Variants in MLLT10 observed in about 807,000 individuals in gnomAD.
MLLT10 encodes protein AF-10.
MLLT10 carries 30 observed loss-of-function variants against 129.1 expected under a neutral mutation model. The observed-to-expected ratio is 0.23, with a 90% confidence interval of 0.17 to 0.32. The LOEUF (loss-of-function observed/expected upper bound fraction) is 0.32. MLLT10 is among the 10% of genes least tolerant of loss of function. The pLI is 1.00. For missense variants in MLLT10, 1,119 were observed against 1,268.3 expected (o/e 0.88, Z 1.79); for synonymous variants, 490 against 446.4 (o/e 1.10, Z -1.23).
intron 2 of MLLT10, among the ~76,000 whole-genome samples, chr10:21,538,025 G>C (rs185882704): frequency 6.6e-6 from 1 of 151,242 alleles, no homozygotes; most frequent in African/African-American, 2.4e-5. Context: ...TTTTGAGATA[G>C]GGTCTCCCTC....
chr10:21,593,926 TAAAAAAAAAAAAAAAAAAA>T lies in MLLT10; in HGVS notation c.296-1391_296-1373del, dbSNP rs61561146. ...GGGCGACAGACCAAGGCTTTGTCTT[TAAAAAAAAAAAAAAAAAAA>T]AAAAAAAAAAAAAGGTGGAAATTAT... On this transcript the variant is annotated intron_variant, in intron 4 of 22. Coordinates refer to ENST00000307729, the MANE Select transcript of MLLT10 (RefSeq NM_001195626.3). 2.2e-4 allele frequency among the ~76,000 whole-genome samples: 10 copies of T among 45,430 alleles called. 1 individual carries two copies. The highest frequency in any genetic ancestry group is 5.3e-4 in the African/African-American group (5 of 9,432). 29.8% of individuals were successfully genotyped at this position (45,430 alleles called of 152,430 possible). A position where few individuals can be genotyped will look rare whatever the true frequency, so the allele number is the denominator to read the frequency against.
At chr10:21,623,021 A>G (rs866229447) in intron 8 of MLLT10, among the ~76,000 whole-genome samples, 1 of 152,254 alleles carries the variant, frequency 6.6e-6, no homozygotes. Flanking sequence ...GCTCAGGAAC[A>G]GCTGGATGGA....
chr10:21,643,407 GT>G (rs1435755572), intron 8 of MLLT10, among the ~76,000 whole-genome samples: 4 of 152,150 alleles, frequency 2.6e-5, no homozygotes, highest in Non-Finnish European at 5.9e-5. Context: ...AATCCTCATA[GT>G]TGTGTAGGCA....
intron 5 of MLLT10, among the ~76,000 whole-genome samples, chr10:21,610,037 C>T (rs1306765509): frequency 1.3e-5 from 2 of 152,184 alleles, no homozygotes; most frequent in African/African-American, 2.4e-5. Flanking sequence ...AGTGTACACC[C>T]TCTGCCCTAC....
At chr10:21,714,999 A>G (rs1469875044) in intron 14 of MLLT10, among the ~76,000 whole-genome samples, 1 of 152,098 alleles carries the variant, frequency 6.6e-6, no homozygotes, top group African/African-American at 2.4e-5. Context: ...ATTATGTATG[A>G]TTTTATTTTC....
At chr10:21,704,351 CTCTCTCTATATATATATATA>C (rs1408208013) in intron 13 of MLLT10, among the ~76,000 whole-genome samples, 1 of 62,230 alleles carries the variant, frequency 1.6e-5, no homozygotes, top group East Asian at 2.3e-3. Context: ...CTCTCTCTCT[CTCTCTCTATATATATATATA>C]TATATATATA....
chr10:21,693,863 C>A (rs2054114314), intron 13 of MLLT10, among the ~76,000 whole-genome samples: 1 of 152,074 alleles, frequency 6.6e-6, no homozygotes, highest in South Asian at 2.1e-4. Context: ...GTTCACTAAT[C>A]ATCTCTTTAG....
At chr10:21,594,411 T>C (rs2042818562) in intron 4 of MLLT10, among the ~76,000 whole-genome samples, 1 of 151,810 alleles carries the variant, frequency 6.6e-6, no homozygotes, top group African/African-American at 2.4e-5. Context: ...TAGCCGGGTG[T>C]GGTGGTGCAT....
chr10:21,729,679 G>A (rs911650335), intron 16 of MLLT10, among the ~76,000 whole-genome samples: 3 of 152,202 alleles, frequency 2.0e-5, no homozygotes, highest in African/African-American at 4.8e-5. Context: ...CTAAAACTCC[G>A]TCCTGTTTCC....
chr10:21,600,683 G>C (rs1218250450), intron 5 of MLLT10, among the ~76,000 whole-genome samples: 2 of 152,024 alleles, frequency 1.3e-5, no homozygotes, highest in Non-Finnish European at 2.9e-5. Flanking sequence ...TTCTTTTCTG[G>C]AAAATTGAAT....
chr10:21,631,032 C>T (rs766261576), intron 8 of MLLT10, among the ~76,000 whole-genome samples: 12 of 152,176 alleles, frequency 7.9e-5, no homozygotes, highest in East Asian at 1.9e-4. Context: ...AAAAGTACGT[C>T]GGGCGCGGTG....
At chr10:21,583,461 G>A (rs1483879474) in intron 3 of MLLT10, among the ~76,000 whole-genome samples, 3 of 152,134 alleles carry the variant, frequency 2.0e-5, no homozygotes, top group African/African-American at 4.8e-5. Context: ...AAGGCAAGAA[G>A]TATAGTGGTA....
chr10:21,742,033 T>C lies in MLLT10; in HGVS notation c.*50T>C, dbSNP rs779978878. 4 of 1,572,740 alleles carry C rather than the reference T, an allele frequency of 2.5e-6. No homozygotes were observed. The South Asian group carries it at 3.4e-5, about 13-fold the overall frequency. On this transcript the variant is annotated 3_prime_UTR_variant, in exon 23 of 23. Coordinates refer to ENST00000307729, the MANE Select transcript of MLLT10 (RefSeq NM_001195626.3). ...CCTATCCTGCTGTTCTAGCACTTCA[T>C]CTGGCTGCCTTTGCAGTCCTTTTAC...
At chr10:21,665,700 T>C (rs1353379547) in intron 9 of MLLT10, among the ~76,000 whole-genome samples, 2 of 152,176 alleles carry the variant, frequency 1.3e-5, no homozygotes, top group Non-Finnish European at 2.9e-5. Flanking sequence ...AATATGATTC[T>C]CTGAGTGGTT....
chr10:21,560,652 T>C (rs773501207), intron 3 of MLLT10, among the ~76,000 whole-genome samples: 7 of 152,148 alleles, frequency 4.6e-5, no homozygotes, highest in Non-Finnish European at 1.0e-4. Flanking sequence ...TTCACTATGT[T>C]GTCCAGGCTG....
At chr10:21,564,029 G>T (rs2039208246) in intron 3 of MLLT10, among the ~76,000 whole-genome samples, 1 of 151,994 alleles carries the variant, frequency 6.6e-6, no homozygotes, top group Non-Finnish European at 1.5e-5. Flanking sequence ...AGCCAGGATG[G>T]TCTCGATCTC....
chr10:21,586,954 T>G (rs2131096576), intron 4 of MLLT10, among the ~76,000 whole-genome samples: 1 of 151,476 alleles, frequency 6.6e-6, no homozygotes, highest in South Asian at 2.1e-4. Flanking sequence ...TTTTGAAAAA[T>G]GAGCCACATT....
intron 13 of MLLT10, among the ~76,000 whole-genome samples, chr10:21,709,401 T>G (rs2055855961): frequency 6.6e-6 from 1 of 152,044 alleles, no homozygotes; most frequent in South Asian, 2.1e-4. Context: ...CTGGCTAAGT[T>G]TTGTATTTTT....
At chr10:21,562,806 TTTGTTTTTTTTG>T (rs2038998326) in intron 3 of MLLT10, among the ~76,000 whole-genome samples, 1 of 139,556 alleles carries the variant, frequency 7.2e-6, no homozygotes. Context: ...TTACATATAC[TTTGTTTTTTTTG>T]TTTTTTTTTT....
Sources: allele counts gnomAD v4.1 joint callset (sites outside exome capture counted in the v4.1 genomes callset), GRCh38; gene constraint gnomAD v4.1.1; transcripts MANE v1.5; gene names NCBI Gene and HGNC (gene_info 2026-07-23, HGNC 2026-07-21).